The following MGAM variants were observed in gnomAD, a reference collection of about 807,000 sequenced individuals.
MGAM encodes the protein alpha-1,4-glucosidase.
In MGAM, 253 loss-of-function variants were observed where a neutral mutation model predicts 358.8. The observed-to-expected ratio is 0.71, with a 90% CI of 0.64 to 0.78. The LOEUF (loss-of-function observed/expected upper bound fraction) is 0.78, where lower values mean the gene tolerates loss of function less well. Ranked by LOEUF, MGAM falls within the 30% of genes least tolerant of loss-of-function variation. The pLI, the probability that MGAM is intolerant of heterozygous loss-of-function variation, is 0.00. For synonymous variants in MGAM, 1,105 were observed against 1,227.1 expected (o/e 0.90, Z 2.08); for missense variants, 3,080 against 3,432.6 (o/e 0.90, Z 2.57).
At chr7:142,059,713 G>C in intron 32 of MGAM, 113 bp downstream of exon 32, 1 of 1,578,878 alleles carries the variant, frequency 6.3e-7, no homozygotes, top group Non-Finnish European at 8.6e-7. Flanking sequence ...AGTGCAGTAA[G>C]AAAGGTGTAT....
intron 3 of MGAM, among the ~76,000 whole-genome samples, chr7:142,012,536 G>T (rs1222555936): frequency 6.6e-6 from 1 of 152,118 alleles, no homozygotes; most frequent in Non-Finnish European, 1.5e-5. Context: ...AACTGAAATT[G>T]CTCTAAGTCT....
intron 18 of MGAM, 75 bp downstream of exon 18, chr7:142,037,052 T>G: frequency 1.4e-6 from 2 of 1,433,464 alleles, no homozygotes; most frequent in Non-Finnish European, 1.9e-6. Flanking sequence ...AATATCAGAG[T>G]GAAAACTGAA....
intron 57 of MGAM, among the ~76,000 whole-genome samples, chr7:142,087,294 C>T (rs986730791): frequency 6.9e-6 from 1 of 145,718 alleles, no homozygotes; most frequent in African/African-American, 2.4e-5. Flanking sequence ...TTGCTCTCTT[C>T]TGGGGATGGT....
At chr7:141,994,555 A>G (rs1804097001), upstream of MGAM, among the ~76,000 whole-genome samples, 1 of 152,182 alleles carries the variant, frequency 6.6e-6, no homozygotes, top group African/African-American at 2.4e-5. Context: ...CAAATATCTA[A>G]AAGACCAGTT....
At chr7:142,089,042 C>G (rs1460134062) in intron 57 of MGAM, among the ~76,000 whole-genome samples, 1 of 122,048 alleles carries the variant, frequency 8.2e-6, no homozygotes, top group Admixed American at 8.4e-5. Context: ...CTATACTGTT[C>G]AAGGGAGAAG....
chr7:142,074,026 GC>G (rs1813542713), intron 44 of MGAM, 58 bp from the exon 45 acceptor site: 3 of 1,196,886 alleles, frequency 2.5e-6, no homozygotes, highest in Non-Finnish European at 3.7e-6. Context: ...AATATTCTCA[GC>G]CCAGTTGGCA....
chr7:142,007,857 T>C (rs569440301), intron 2 of MGAM, among the ~76,000 whole-genome samples: 59 of 152,118 alleles, frequency 3.9e-4, no homozygotes, highest in Non-Finnish European at 6.8e-4. Context: ...GACTTGGGGA[T>C]TGGCTGTTGA....
At chr7:142,044,369 A>G in intron 21 of MGAM, among the ~76,000 whole-genome samples, 1 of 132,110 alleles carries the variant, frequency 7.6e-6, no homozygotes, top group South Asian at 2.3e-4. Flanking sequence ...GATATATGAT[A>G]TATAATGAAT....
chr7:142,061,939 T>G (rs1812242367), intron 34 of MGAM, among the ~76,000 whole-genome samples: 1 of 152,192 alleles, frequency 6.6e-6, no homozygotes, highest in Non-Finnish European at 1.5e-5. Context: ...ATCTTGAATC[T>G]TTCTTTCAGG....
At position 142,074,183 on chromosome 7, in the gene MGAM, G is replaced by C. The variant is rs762600588; in HGVS notation, c.5275+10G>C. 2.4e-5 allele frequency: 36 copies of C among 1,505,930 alleles called. 6 individuals carry two copies. Among genetic ancestry groups the C allele is most frequent in the Non-Finnish European group, 1.8e-6 (2 of 1,097,086 alleles). The allele number at this position is 1,505,930 out of a possible 1,614,324, so 93.3% of individuals were successfully genotyped here. A position where few individuals can be genotyped will look rare whatever the true frequency, so the allele number is the denominator to read the frequency against. ...GATGGGCAAACAAAGGGTGAGCGCT[G>C]TTACAATAATGTTGCTGTTTCCCAA... On this transcript the variant is annotated intron_variant, in intron 45 of 70. Coordinates refer to ENST00000475668, the MANE Select transcript of MGAM (RefSeq NM_001365693.1).
At chr7:141,991,832 A>G (rs1554447389), upstream of MGAM, among the ~76,000 whole-genome samples, 2 of 152,182 alleles carry the variant, frequency 1.3e-5, no homozygotes, top group African/African-American at 2.4e-5. Context: ...CCAAGCCTAG[A>G]TAAGGCCATG....
At position 142,102,633 on chromosome 7, in the gene MGAM, C is replaced by A. The variant is rs1298788744; in HGVS notation, c.7967C>A (p.Thr2656Asn). Residue 2656 changes from threonine to asparagine, a missense_variant, in exon 69 of 71, where the codon ACC becomes AAC. This residue lies in a region of MGAM where 194 missense variants were observed against 172.8 expected (regional missense o/e 1.12). Transcript: ENST00000475668. Reference protein sequence around the residue: ...LFWDDGQSIDTYGKGLYYLAS... With the variant: ...LFWDDGQSIDNYGKGLYYLAS... The stretch of plus-strand genomic sequence containing the variant: ...TTATCTTGTTTTTTGTTTGCAGATA[C>A]CTATGGGAAAGGACTCTATTACTTG... 6.2e-7 allele frequency: 1 copy of A among 1,613,214 alleles called. No individual in the cohort carries two copies. Among genetic ancestry groups the A allele is most frequent in the Admixed American group, 1.7e-5 (1 of 59,958 alleles).
At chr7:142,090,484 C>A (rs1363126128) in intron 57 of MGAM, among the ~76,000 whole-genome samples, 1 of 145,990 alleles carries the variant, frequency 6.8e-6, no homozygotes, top group East Asian at 2.0e-4. Context: ...GGCATGCCCA[C>A]TTCTGTCAAG....
chr7:141,995,884 T>A lies in MGAM; in HGVS notation c.-49T>A, dbSNP rs1201539529. 1.3e-5 allele frequency: 2 copies of A among 152,246 alleles called. No homozygotes were observed. Among genetic ancestry groups the A allele is most frequent in the African/African-American group, 4.8e-5 (2 of 41,452 alleles). The allele number at this position is 152,246 out of a possible 1,614,324, so 9.4% of individuals were successfully genotyped here. On this transcript the variant is annotated 5_prime_UTR_variant, in exon 1 of 71. Transcript: ENST00000475668. Reference sequence around the variant, plus strand: ...GACTGTGCTCCTCTGCTTTTATTGCTAAGCCATCCTTCAGACAGAGAGGGA... The same window carrying A: ...GACTGTGCTCCTCTGCTTTTATTGCAAAGCCATCCTTCAGACAGAGAGGGA...
chr7:142,022,810 G>A (rs1167786212), intron 7 of MGAM, among the ~76,000 whole-genome samples: 1 of 152,146 alleles, frequency 6.6e-6, no homozygotes, highest in African/African-American at 2.4e-5. Context: ...AACAACAGTT[G>A]ATTGTGATCT....
Position 142,094,639 on chromosome 7 carries a change from C to T in MGAM, c.7326C>T (p.Leu2442=). The T allele has an allele frequency of 6.2e-7, 1 of 1,611,072 alleles. No homozygotes were observed. Among genetic ancestry groups the T allele is most frequent in the Non-Finnish European group, 8.5e-7 (1 of 1,178,444 alleles). Residue 2442 remains leucine, a synonymous_variant, in exon 62 of 71, where the codon CTC becomes CTT. Transcript: ENST00000475668. ...TTGCAGGCATGATGGAGTTCAGCCT[C>T]TTCGGCATATCCTATGTGAGTGTCC... is the stretch of plus-strand genomic sequence containing the variant. The part of the protein sequence containing the change: ...KSIIGMMEFS[L]FGISYTGADI...
intron 53 of MGAM, 53 bp downstream of exon 53, chr7:142,083,466 C>T: frequency 8.0e-7 from 1 of 1,249,332 alleles, no homozygotes; most frequent in Admixed American, 2.1e-5. Context: ...ATTCTGGGTG[C>T]CAGAGCCCAC....
chr7:142,103,273 C>T lies in MGAM; in HGVS notation c.8018C>T (p.Thr2673Met), dbSNP rs778740556. Residue 2673 changes from threonine to methionine, a missense_variant, in exon 70 of 71, where the codon ACG (threonine) becomes ATG (methionine). Physicochemically the swap from Thr to Met is moderately conservative, Grantham distance 81. Transcript: ENST00000475668. ...YLASFSASQN[T>M]MQSHIIFNNY... is the part of the protein sequence containing the mutation. ...CTTTTATCTCCAATTCAACAGAATA[C>T]GATGCAAAGCCATATAATTTTCAAC... 7.0e-5 allele frequency: 111 copies of T among 1,589,074 alleles called. No homozygotes were observed. Among genetic ancestry groups the T allele is most frequent in the East Asian group, 2.0e-4 (9 of 44,500 alleles).
In MGAM at chr7:142,068,837, C is replaced by A. The variant is rs1371089780; in HGVS notation, c.5061+134C>A. 14 of 759,056 alleles carry A rather than the reference C, an allele frequency of 1.8e-5. 1 individual carries two copies. The Admixed American group carries it at 3.4e-4, about 18-fold the overall frequency. 47.0% of individuals were successfully genotyped at this position (759,056 alleles called of 1,614,324 possible). On this transcript the variant is annotated intron_variant, in intron 43 of 70. Transcript: ENST00000475668. The stretch of plus-strand genomic sequence containing the variant: ...GTGGTCTTAGAGAAGCCACTTTAAC[C>A]CTTGTAATCTCAGTTTTCTCACCTC...
Sources: gnomAD v4.1 joint callset for allele counts (sites outside exome capture counted in the v4.1 genomes callset) on GRCh38, gnomAD v4.1.1 for gene constraint, gnomAD v4.1.1 regional missense constraint, MANE v1.5 for transcripts, NCBI Gene and HGNC (gene_info 2026-07-23, HGNC 2026-07-21) for gene names.